MAGEC3: variants seen among roughly 807,000 people sequenced by gnomAD.
MAGEC3 encodes melanoma-associated antigen C3.
In MAGEC3, 34 loss-of-function variants were observed where a neutral mutation model predicts 35.3. The observed-to-expected ratio is 0.96, with a 90% CI of 0.73 to 1.28. The LOEUF (loss-of-function observed/expected upper bound fraction) is 1.28, where lower values mean the gene tolerates loss of function less well. Ranked by LOEUF, MAGEC3 falls within the 50% of genes most tolerant of loss-of-function variation. The pLI is 0.00. For missense variants in MAGEC3, 561 were observed against 483.6 expected (o/e 1.16, Z -1.50); for synonymous variants, 202 against 185.6 (o/e 1.09, Z -0.72).
chrX:141,845,632 C>T (rs964228494), intron 1 of MAGEC3, among the ~76,000 whole-genome samples: 1 of 110,919 alleles, frequency 9.0e-6, no homozygotes, highest in African/African-American at 3.3e-5. Context: ...AGACACCTGA[C>T]TCCCATTTAT....
At chrX:141,865,732 A>C in intron 2 of MAGEC3, 127 bp downstream of exon 2, 1 of 742,938 alleles carries the variant, frequency 1.3e-6, no homozygotes, top group Non-Finnish European at 1.9e-6. Context: ...ATGTCCGTAG[A>C]CTTCATTTTT....
chrX:141,887,398 A>T (rs2018010673), intron 4 of MAGEC3, among the ~76,000 whole-genome samples: 1 of 112,302 alleles, frequency 8.9e-6, no homozygotes, highest in South Asian at 3.7e-4. Context: ...AGACATTTGC[A>T]TTCCAGAGGA....
At chrX:141,841,262 T>G (rs1431203193) in intron 1 of MAGEC3, among the ~76,000 whole-genome samples, 1 of 111,883 alleles carries the variant, frequency 8.9e-6, no homozygotes, top group Non-Finnish European at 1.9e-5. Context: ...AGACTCCTTT[T>G]GGATATTTCA....
chrX:141,852,003 G>C (rs887826331), intron 1 of MAGEC3, among the ~76,000 whole-genome samples: 6 of 109,764 alleles, frequency 5.5e-5, no homozygotes, highest in Non-Finnish European at 1.1e-4. Context: ...GGTAGGGCTT[G>C]CATTGTTTCT....
At chrX:141,871,609 G>A (rs977825167) in intron 2 of MAGEC3, among the ~76,000 whole-genome samples, 7 of 111,501 alleles carry the variant, frequency 6.3e-5, no homozygotes, top group South Asian at 3.7e-4. Flanking sequence ...TTTAACAGGC[G>A]GAGGTTAGAA....
chrX:141,864,481 C>T (rs1158229311), intron 1 of MAGEC3, among the ~76,000 whole-genome samples: 6 of 110,846 alleles, frequency 5.4e-5, no homozygotes, highest in Non-Finnish European at 9.4e-5. Flanking sequence ...GCAGGAACAT[C>T]GATGGGGCTG....
rs1036449956 is a variant in MAGEC3 at position 141,885,038 on chromosome X, C to T, written c.909+3242C>T. On this transcript the variant is annotated intron_variant, in intron 4 of 7. Transcript: ENST00000298296. ...CCTGAGTCAACAGTGATGGCCTCCT[C>T]TGAGGCAGTTGCCAGGCAAGATAGT... 8.1e-5 allele frequency among the ~76,000 whole-genome samples: 9 copies of T among 111,576 alleles called. No homozygotes were observed. In the Admixed American group the frequency reaches 8.6e-4, roughly 11 times the overall value.
rs1182927796 is a variant in MAGEC3, at chrX:141,875,693, ATT to A, written c.259-3479_259-3478del. Among the ~76,000 whole-genome samples the A allele has an allele frequency of 1.5e-4, 17 of 111,679 alleles. No individual in the cohort carries two copies. In the Admixed American group the frequency reaches 1.6e-3, roughly 11 times the overall value. ...CCAGGAGGTAAAAGAATAGGTTTCC[ATT>A]TTCTTTTTATCATCCATAAGAAATG... On this transcript the variant is annotated intron_variant, in intron 2 of 7. Coordinates refer to ENST00000298296, the MANE Select transcript of MAGEC3 (RefSeq NM_138702.1).
intron 1 of MAGEC3, among the ~76,000 whole-genome samples, chrX:141,843,781 AGTTT>A (rs1386908673): frequency 9.0e-6 from 1 of 110,989 alleles, no homozygotes; most frequent in Non-Finnish European, 1.9e-5. Context: ...TTTTGATGTT[AGTTT>A]GTTTTCATTT....
At chrX:141,849,130 C>T (rs1159817858) in intron 1 of MAGEC3, among the ~76,000 whole-genome samples, 1 of 110,638 alleles carries the variant, frequency 9.0e-6, no homozygotes, top group Non-Finnish European at 1.9e-5. Flanking sequence ...AGTCACACAC[C>T]TCCAATCATC....
intron 1 of MAGEC3, among the ~76,000 whole-genome samples, chrX:141,849,198 A>G (rs2124085709): frequency 9.0e-6 from 1 of 111,305 alleles, no homozygotes; most frequent in African/African-American, 3.3e-5. Flanking sequence ...TTGTTCAATA[A>G]ATAGTGCTGG....
At chrX:141,880,438 T>C in intron 3 of MAGEC3, 1 of 137,298 alleles carries the variant, frequency 7.3e-6, no homozygotes, top group Non-Finnish European at 1.4e-5. Flanking sequence ...CAGCCCCAGC[T>C]GTCAGCCTTG....
chrX:141,888,335 G>A (rs1045809481), intron 4 of MAGEC3, among the ~76,000 whole-genome samples: 14 of 112,290 alleles, frequency 1.2e-4, no homozygotes, highest in African/African-American at 4.5e-4. Flanking sequence ...GCAGAACTTC[G>A]AGCAGTGCAC....
intron 1 of MAGEC3, among the ~76,000 whole-genome samples, chrX:141,857,103 G>A (rs1357825231): frequency 9.1e-6 from 1 of 110,284 alleles, no homozygotes; most frequent in East Asian, 2.9e-4. Flanking sequence ...GGGGATCATC[G>A]ACCCTTTTAT....
At chrX:141,883,449 A>G (rs907885711) in intron 4 of MAGEC3, among the ~76,000 whole-genome samples, 1 of 111,948 alleles carries the variant, frequency 8.9e-6, no homozygotes, top group Non-Finnish European at 1.9e-5. Flanking sequence ...TTGGATAGTG[A>G]CAATTCCATA....
chrX:141,893,359 A>G (rs946701877), intron 4 of MAGEC3, among the ~76,000 whole-genome samples: 1 of 111,634 alleles, frequency 9.0e-6, no homozygotes, highest in Non-Finnish European at 1.9e-5. Context: ...CATTATGAAT[A>G]CACTAAAAAT....
At chrX:141,853,170 C>CT (rs1351278208) in intron 1 of MAGEC3, among the ~76,000 whole-genome samples, 7 of 111,160 alleles carry the variant, frequency 6.3e-5, no homozygotes, top group African/African-American at 2.3e-4. Context: ...CTACATCCGC[C>CT]TTTTAAAAAG....
Sources: gnomAD v4.1 joint callset for allele counts (sites outside exome capture counted in the v4.1 genomes callset) on GRCh38, gnomAD v4.1.1 for gene constraint, MANE v1.5 for transcripts, NCBI Gene and HGNC (gene_info 2026-07-23, HGNC 2026-07-21) for gene names.